Variants in SERINC2 observed in about 807,000 individuals in gnomAD.
The protein encoded by SERINC2 is tumor differentially expressed protein 2.
Under a neutral mutation model 54.2 loss-of-function variants are expected in SERINC2, and 56 were observed. The observed-to-expected ratio is 1.03, with a 90% CI of 0.83 to 1.29. SERINC2 has a LOEUF of 1.29. Ranked by LOEUF, SERINC2 falls within the 50% of genes most tolerant of loss-of-function variation. SERINC2 has a pLI of 0.00. For missense variants in SERINC2, 614 were observed against 607.4 expected (o/e 1.01, Z -0.12); for synonymous variants, 272 against 253.1 (o/e 1.07, Z -0.71).
intron 8 of SERINC2, among the ~76,000 whole-genome samples, chr1:31,431,841 T>TAGGGTGGAC (rs1557499976): frequency 5.6e-5 from 2 of 36,032 alleles, no homozygotes; most frequent in Non-Finnish European, 8.2e-5. Flanking sequence ...ATAGGGTGGA[T>TAGGGTGGAC]AGGGTGGATA....
At chr1:31,429,364 A>C in intron 7 of SERINC2, 33 bp from the exon 8 acceptor site, 2 of 1,585,274 alleles carry the variant, frequency 1.3e-6, no homozygotes, top group Non-Finnish European at 1.7e-6. Flanking sequence ...CCTGGCCTGC[A>C]TGGGCTGAGG....
intron 3 of SERINC2, 25 bp downstream of exon 3, chr1:31,424,898 C>T (rs781915294): frequency 2.5e-6 from 4 of 1,586,450 alleles, no homozygotes; most frequent in South Asian, 1.1e-5. Flanking sequence ...CCTGCCTGCA[C>T]CCTGGGACCT....
intron 1 of SERINC2, chr1:31,415,833 T>C (rs6703368): frequency 0.99 from 979,464 of 984,978 alleles, 487,220 homozygotes; most frequent in East Asian, 1. Flanking sequence ...GATTTTTGTA[T>C]CCTCCCAGGT....
chr1:31,427,830 T>C (rs1302080178), intron 6 of SERINC2, among the ~76,000 whole-genome samples: 173 of 140,914 alleles, frequency 1.2e-3, no homozygotes, highest in East Asian at 1.2e-3. Context: ...CTTTCTTTTT[T>C]TTTTTTTTTT....
chr1:31,432,993 T>C lies in SERINC2; in HGVS notation c.1040T>C (p.Val347Ala), dbSNP rs781885138. ...ISLRSSDHRQVNSLMQTEECP... is the reference protein window; with the variant it reads ...ISLRSSDHRQANSLMQTEECP... ...CTGCGCTCCTCAGACCACCGGCAGGTGAACAGCCTGATGCAGACCGAGGAG... is the reference window on the plus strand; with the variant it reads ...CTGCGCTCCTCAGACCACCGGCAGGCGAACAGCCTGATGCAGACCGAGGAG... The change falls in exon 9 of 10, where the codon GTG becomes GCG. Residue 347 changes from valine (V) to alanine (A), a missense_variant. Val to Ala is a moderately conservative substitution (Grantham distance 64). Coordinates refer to ENST00000373709, the MANE Select transcript of SERINC2 (RefSeq NM_178865.5). 6.2e-7 allele frequency: 1 copy of C among 1,610,068 alleles called. No homozygotes were observed. The highest frequency in any genetic ancestry group is 1.3e-5 in the African/African-American group (1 of 74,818).
intron 8 of SERINC2, among the ~76,000 whole-genome samples, chr1:31,431,486 T>A (rs1270364560): frequency 6.6e-6 from 1 of 151,966 alleles, no homozygotes; most frequent in Non-Finnish European, 1.5e-5. Flanking sequence ...GAGCACATGG[T>A]GGCCGGTGGC....
At chr1:31,430,571 C>T (rs977129198) in intron 8 of SERINC2, among the ~76,000 whole-genome samples, 28 of 152,050 alleles carry the variant, frequency 1.8e-4, no homozygotes, top group African/African-American at 3.9e-4. Flanking sequence ...CTGAGGAGGC[C>T]GAGGTAGGAG....
At chr1:31,411,473 G>T (rs986112777), upstream of SERINC2, among the ~76,000 whole-genome samples, 2 of 152,196 alleles carry the variant, frequency 1.3e-5, no homozygotes, top group Non-Finnish European at 2.9e-5. Flanking sequence ...CAGGGCTGTT[G>T]TGGGGCTCAA....
In SERINC2 at chr1:31,423,754, A is replaced by G; in HGVS notation, c.101A>G (p.Asn34Ser). 6.2e-7 allele frequency: 1 copy of G among 1,613,226 alleles called. No individual in the cohort carries two copies. The highest frequency in any genetic ancestry group is 1.7e-4 in the Middle Eastern group (1 of 6,060). ...ILCSCCPASR[N>S]STVSRLIFTF... is the part of the protein sequence containing the mutation. ...TGCAGCTGCTGCCCCGCCAGCCGCA[A>G]CTCCACCGTGAGCCGCCTCATCTTC... The change falls in exon 2 of 10, where the codon AAC becomes AGC. Residue 34 changes from asparagine (N) to serine (S), a missense_variant. By Grantham distance (46) the Asn-to-Ser change is conservative (BLOSUM62 1). Transcript: ENST00000373709.
intron 6 of SERINC2, among the ~76,000 whole-genome samples, chr1:31,428,726 G>A (rs1641110047): frequency 1.3e-5 from 2 of 152,160 alleles, no homozygotes. Flanking sequence ...AATTCAGTGT[G>A]ATGAGATGGG....
chr1:31,414,454 T>TGGGTGAGAGAGA (rs1553131931), intron 1 of SERINC2: 1 of 603,860 alleles, frequency 1.7e-6, no homozygotes, highest in African/African-American at 3.0e-5. Context: ...TGTGTGTGTG[T>TGGGTGAGAGAGA]GAGAGAGAGA....
At chr1:31,424,072 A>G (rs2148518142) in intron 2 of SERINC2, among the ~76,000 whole-genome samples, 1 of 152,008 alleles carries the variant, frequency 6.6e-6, no homozygotes, top group South Asian at 2.1e-4. Context: ...AATCTTATTA[A>G]TCATTATCGC....
At chr1:31,419,827 T>C (rs1640864476) in intron 1 of SERINC2, among the ~76,000 whole-genome samples, 1 of 151,636 alleles carries the variant, frequency 6.6e-6, no homozygotes. Flanking sequence ...AAATCCTTTC[T>C]TGAAACAAAA....
intron 4 of SERINC2, 121 bp downstream of exon 4, chr1:31,425,530 C>G: frequency 1.1e-6 from 1 of 907,032 alleles, no homozygotes; most frequent in Non-Finnish European, 1.8e-6. Flanking sequence ...CTGGCTAGGT[C>G]CTCGCTCCCC....
At chr1:31,432,663 G>A (rs1364548764) in intron 8 of SERINC2, among the ~76,000 whole-genome samples, 1 of 152,138 alleles carries the variant, frequency 6.6e-6, no homozygotes, top group Middle Eastern at 3.2e-3. Flanking sequence ...TCTGTGCCAA[G>A]CACTATGCTA....
chr1:31,430,357 A>C (rs1641162272), intron 8 of SERINC2, among the ~76,000 whole-genome samples: 4 of 151,584 alleles, frequency 2.6e-5, no homozygotes, highest in South Asian at 4.2e-4. Flanking sequence ...CTTTTTAAAA[A>C]TTAACAAAAC....
intron 1 of SERINC2, chr1:31,414,524 T>G (rs1218248322): frequency 2.0e-6 from 2 of 993,664 alleles, no homozygotes; most frequent in African/African-American, 1.8e-5. Context: ...CTTTACAGCC[T>G]TTTTCTGAGA....
At chr1:31,431,684 C>T (rs967934754) in intron 8 of SERINC2, among the ~76,000 whole-genome samples, 2 of 151,958 alleles carry the variant, frequency 1.3e-5, no homozygotes, top group Non-Finnish European at 2.9e-5. Flanking sequence ...GCATATGCAA[C>T]CCATGAGGGC....
chr1:31,418,557 G>A lies in SERINC2; in HGVS notation c.40-5136G>A, dbSNP rs189878921. On this transcript the variant is annotated intron_variant, in intron 1 of 9. Coordinates refer to ENST00000373709, the MANE Select transcript of SERINC2 (RefSeq NM_178865.5). ...TGCCTGGCTAATTTTTGTATTTTTT[G>A]TAGAGACGGGGTTTCACCATGTTGG... is the stretch of plus-strand genomic sequence containing the variant. Among the ~76,000 whole-genome samples, 52 of 152,104 alleles carry A rather than the reference G, an allele frequency of 3.4e-4. No homozygotes were observed. The East Asian group carries it at 0.01, about 29-fold the overall frequency.
Sources: gnomAD v4.1 joint callset for allele counts (sites outside exome capture counted in the v4.1 genomes callset) on GRCh38, gnomAD v4.1.1 for gene constraint, MANE v1.5 for transcripts, NCBI Gene and HGNC (gene_info 2026-07-23, HGNC 2026-07-21) for gene names.